The following COL25A1 variants were observed in gnomAD, a reference collection of about 807,000 sequenced individuals.
The protein encoded by COL25A1 is collagen type XXV alpha 1 chain, also known as collagen alpha-1(XXV) chain.
Under a neutral mutation model 128.4 loss-of-function variants are expected in COL25A1, and 103 were observed. The observed-to-expected ratio is 0.80, with a 90% CI of 0.68 to 0.94. The LOEUF (loss-of-function observed/expected upper bound fraction) is 0.94. COL25A1 is among the 40% of genes least tolerant of loss of function. The pLI is 0.00. For synonymous variants in COL25A1, 279 were observed against 277.2 expected (o/e 1.01, Z -0.06); for missense variants, 745 against 840.0 (o/e 0.89, Z 1.40).
intron 19 of COL25A1, among the ~76,000 whole-genome samples, chr4:108,876,943 G>C (rs895944564): frequency 1.6e-4 from 24 of 152,198 alleles, no homozygotes; most frequent in African/African-American, 5.8e-4. Context: ...TAAGACTACA[G>C]CACATTTCCC....
intron 5 of COL25A1, among the ~76,000 whole-genome samples, chr4:109,040,051 C>T (rs1246536627): frequency 6.6e-6 from 1 of 152,098 alleles, no homozygotes; most frequent in African/African-American, 2.4e-5. Context: ...TGCATGAGAA[C>T]TTGTTTCAAA....
chr4:108,985,319 CTCCA>C (rs1203771482), intron 6 of COL25A1, among the ~76,000 whole-genome samples: 1 of 152,142 alleles, frequency 6.6e-6, no homozygotes, highest in Non-Finnish European at 1.5e-5. Context: ...TTGGATTCTC[CTCCA>C]TGCTCTTCGA....
rs566595884 is a variant in COL25A1, at chr4:109,018,617, G to A, written c.421-8242C>T. On this transcript the variant is annotated intron_variant, in intron 5 of 37. Coordinates refer to ENST00000399132, the MANE Select transcript of COL25A1 (RefSeq NM_198721.4). ...GGAACAGATGTATTCTACACTTGCA[G>A]CACCAGGGAGTAGGGATCTTGCCCA... is the stretch of plus-strand genomic sequence containing the variant. 3.3e-5 allele frequency among the ~76,000 whole-genome samples: 5 copies of A among 152,154 alleles called. No homozygotes were observed. In the East Asian group the frequency reaches 9.7e-4, roughly 29 times the overall value.
intron 3 of COL25A1, among the ~76,000 whole-genome samples, chr4:109,115,254 C>T (rs952963300): frequency 6.6e-6 from 1 of 152,066 alleles, no homozygotes; most frequent in Admixed American, 6.6e-5. Context: ...TTTTTCTCTT[C>T]TCCACTTCCA....
chr4:109,080,170 C>G (rs1021617711), intron 3 of COL25A1, among the ~76,000 whole-genome samples: 1 of 152,036 alleles, frequency 6.6e-6, no homozygotes, highest in Non-Finnish European at 1.5e-5. Flanking sequence ...TAATCCTTAC[C>G]TCAATTTATA....
intron 3 of COL25A1, among the ~76,000 whole-genome samples, chr4:109,093,284 A>T (rs1765089047): frequency 6.6e-6 from 1 of 152,112 alleles, no homozygotes; most frequent in African/African-American, 2.4e-5. Context: ...ATTGCAACTA[A>T]AAATCATTTG....
chr4:108,919,652 C>T lies in COL25A1; in HGVS notation c.735+926G>A, dbSNP rs535104321. Among the ~76,000 whole-genome samples, 181 of 152,040 alleles carry T rather than the reference C, an allele frequency of 1.2e-3. 1 individual carries two copies. The highest frequency in any genetic ancestry group is 3.4e-3 in the Middle Eastern group (1 of 294). ...GGGTGTAAGGATGGGGGAATGAGGA[C>T]TTAGTGATATTTTGTTGGCAAAATG... is the stretch of plus-strand genomic sequence containing the variant. On this transcript the variant is annotated intron_variant, in intron 12 of 37. Transcript: ENST00000399132.
At chr4:109,187,784 G>GAT (rs1286822446) in intron 3 of COL25A1, among the ~76,000 whole-genome samples, 3 of 152,152 alleles carry the variant, frequency 2.0e-5, no homozygotes, top group African/African-American at 7.2e-5. Flanking sequence ...ATAAGGATGT[G>GAT]ATGTCTTCTC....
chr4:109,151,384 G>A (rs1771487573), intron 3 of COL25A1, among the ~76,000 whole-genome samples: 1 of 152,066 alleles, frequency 6.6e-6, no homozygotes, highest in Non-Finnish European at 1.5e-5. Flanking sequence ...CTCCCATAGT[G>A]ATGTAATGGC....
At chr4:109,019,871 GA>G (rs1043548229) in intron 5 of COL25A1, among the ~76,000 whole-genome samples, 4 of 152,118 alleles carry the variant, frequency 2.6e-5, no homozygotes, top group African/African-American at 9.7e-5. Context: ...AGAGAAGCAC[GA>G]AAGTTCCATA....
At chr4:109,279,643 T>C (rs537051924) in intron 3 of COL25A1, among the ~76,000 whole-genome samples, 13 of 152,164 alleles carry the variant, frequency 8.5e-5, no homozygotes, top group Non-Finnish European at 1.9e-4. Flanking sequence ...TTTTGAAAAG[T>C]AAAATGTTTA....
At chr4:109,145,825 G>C (rs746475412) in intron 3 of COL25A1, among the ~76,000 whole-genome samples, 2 of 151,852 alleles carry the variant, frequency 1.3e-5, no homozygotes, top group Non-Finnish European at 2.9e-5. Context: ...TGGGCAACAA[G>C]AGCTAAATTC....
intron 3 of COL25A1, among the ~76,000 whole-genome samples, chr4:109,120,385 A>C (rs1318064142): frequency 6.6e-6 from 1 of 152,188 alleles, no homozygotes. Flanking sequence ...AAAATTGGAA[A>C]AATAAACAAA....
chr4:109,151,109 C>T (rs901613217), intron 3 of COL25A1, among the ~76,000 whole-genome samples: 1 of 152,074 alleles, frequency 6.6e-6, no homozygotes, highest in African/African-American at 2.4e-5. Flanking sequence ...TGGTATTTAT[C>T]ACTTAGTAAA....
chr4:109,255,547 C>T (rs1302252615), intron 3 of COL25A1, among the ~76,000 whole-genome samples: 1 of 152,118 alleles, frequency 6.6e-6, no homozygotes, highest in African/African-American at 2.4e-5. Flanking sequence ...TATGGAAACC[C>T]CTTCCCTCCT....
chr4:109,195,454 C>T (rs1049894564), intron 3 of COL25A1, among the ~76,000 whole-genome samples: 6 of 152,102 alleles, frequency 3.9e-5, no homozygotes, highest in Admixed American at 1.3e-4. Context: ...ATTTAATAGA[C>T]GTGAATAGGC....
intron 6 of COL25A1, among the ~76,000 whole-genome samples, chr4:109,000,743 C>CAAA (rs1180104512): frequency 8.2e-4 from 30 of 36,404 alleles, no homozygotes; most frequent in African/African-American, 2.1e-3. Flanking sequence ...GAGACTCTGT[C>CAAA]AAAAAAAAAA....
At chr4:109,033,297 T>C (rs1759042322) in intron 5 of COL25A1, among the ~76,000 whole-genome samples, 3 of 152,218 alleles carry the variant, frequency 2.0e-5, no homozygotes, top group Admixed American at 2.0e-4. Context: ...TCAAGGGACC[T>C]GGTTGTGCCA....
intron 3 of COL25A1, among the ~76,000 whole-genome samples, chr4:109,061,003 T>A (rs1263944742): frequency 1.3e-5 from 2 of 152,198 alleles, no homozygotes; most frequent in Admixed American, 1.3e-4. Flanking sequence ...TTAACCTATT[T>A]TCATCATGCA....
Sources: gnomAD v4.1 joint callset for allele counts (sites outside exome capture counted in the v4.1 genomes callset) on GRCh38, gnomAD v4.1.1 for gene constraint, MANE v1.5 for transcripts, NCBI Gene and HGNC (gene_info 2026-07-23, HGNC 2026-07-21) for gene names.